The following RAB38 variants were observed in gnomAD, a reference collection of about 807,000 sequenced individuals.
The protein encoded by RAB38 is ras-related protein Rab-38.
A neutral mutation model predicts 18.4 loss-of-function variants in RAB38; 15 were observed. That is an observed-to-expected ratio of 0.82 (90% CI 0.55 to 1.26). The LOEUF (loss-of-function observed/expected upper bound fraction) is 1.26, where lower values mean the gene tolerates loss of function less well. Ranked by LOEUF, RAB38 falls within the 50% of genes most tolerant of loss-of-function variation. The probability of loss-of-function intolerance (pLI) is 0.00; values close to 1 mark genes in which losing one functional copy is unlikely to be tolerated. For missense variants in RAB38, 294 were observed against 267.4 expected (o/e 1.10, Z -0.69); for synonymous variants, 101 against 104.4 (o/e 0.97, Z 0.20).
the RAB38 span, among the ~76,000 whole-genome samples, chr11:88,037,391 A>G: frequency 2.0e-5 from 3 of 152,110 alleles, no homozygotes; most frequent in East Asian, 5.8e-4. Context: ...TTACCCAAAG[A>G]GCCCTAATTG....
the RAB38 span, among the ~76,000 whole-genome samples, chr11:87,843,036 C>G: frequency 6.6e-6 from 1 of 152,196 alleles, no homozygotes; most frequent in African/African-American, 2.4e-5. Flanking sequence ...AATTCAATCC[C>G]TCCCACAGGG....
chr11:88,113,974 A>G lies in RAB38; in HGVS notation c.*14T>C, dbSNP rs1188634154. On this transcript the variant is annotated 3_prime_UTR_variant, in exon 3 of 3. Coordinates refer to ENST00000243662, the MANE Select transcript of RAB38 (RefSeq NM_022337.3). ...AATGAGGTCATTCCTACCAGACACC[A>G]GCAAAGGTGCCTACTAGGATTTGGC... 6.2e-7 allele frequency: 1 copy of G among 1,613,968 alleles called. No homozygotes were observed. Among genetic ancestry groups the G allele is most frequent in the Non-Finnish European group, 8.5e-7 (1 of 1,179,852 alleles).
the RAB38 span, among the ~76,000 whole-genome samples, chr11:88,022,866 T>A: frequency 6.6e-6 from 1 of 152,172 alleles, no homozygotes; most frequent in South Asian, 2.1e-4. Context: ...CATGCATGTG[T>A]CTTTATAATA....
the RAB38 span, among the ~76,000 whole-genome samples, chr11:88,096,910 G>T: frequency 4.0e-5 from 6 of 151,468 alleles, no homozygotes; most frequent in African/African-American, 1.2e-4. Context: ...GGGGCGAGGG[G>T]GGACTCTTTT....
intron 2 of RAB38, among the ~76,000 whole-genome samples, chr11:88,125,012 C>T (rs1448140870): frequency 6.6e-6 from 1 of 152,190 alleles, no homozygotes; most frequent in Non-Finnish European, 1.5e-5. Flanking sequence ...ACATGACGTG[C>T]TCTCTTCTCA....
the RAB38 span, among the ~76,000 whole-genome samples, chr11:87,804,247 A>G: frequency 6.6e-6 from 1 of 152,004 alleles, no homozygotes; most frequent in Non-Finnish European, 1.5e-5. Flanking sequence ...ACCTCTCTCC[A>G]ATGAGTAATC....
the RAB38 span, among the ~76,000 whole-genome samples, chr11:87,832,329 T>G: frequency 2.2e-4 from 33 of 152,322 alleles, no homozygotes; most frequent in Middle Eastern, 0.01. Flanking sequence ...AATCAGTCAC[T>G]TAAAAAAATC....
intron 2 of RAB38, among the ~76,000 whole-genome samples, chr11:88,139,296 G>A (rs1398624457): frequency 6.6e-6 from 1 of 152,152 alleles, no homozygotes; most frequent in Non-Finnish European, 1.5e-5. Context: ...CTAAAAAGGA[G>A]TTCTCAGTGC....
the RAB38 span, among the ~76,000 whole-genome samples, chr11:88,011,319 T>C: frequency 1.3e-5 from 2 of 152,240 alleles, no homozygotes; most frequent in East Asian, 3.9e-4. Context: ...GATAGGGTTC[T>C]TGTTTTTATT....
the RAB38 span, among the ~76,000 whole-genome samples, chr11:87,896,923 C>A: frequency 2.0e-5 from 3 of 151,604 alleles, no homozygotes; most frequent in African/African-American, 7.3e-5. Flanking sequence ...ATTCTAATTT[C>A]TTCAGGCACT....
chr11:88,140,211 C>T lies in RAB38; in HGVS notation c.483+9464G>A, dbSNP rs373565294. ...CCTTCATTTTTCTTCTTTACTTCTC[C>T]ATCCACACTGCAGGGCACAACAATC... On this transcript the variant is annotated intron_variant, in intron 2 of 2. Transcript: ENST00000243662. Among the ~76,000 whole-genome samples the T allele has an allele frequency of 7.4e-4, 113 of 152,252 alleles. 3 individuals carry two copies. The highest frequency in any genetic ancestry group is 2.3e-3 in the African/African-American group (97 of 41,542).
chr11:87,850,805 A>G, the RAB38 span, among the ~76,000 whole-genome samples: 2 of 152,056 alleles, frequency 1.3e-5, no homozygotes, highest in Non-Finnish European at 2.9e-5. Flanking sequence ...TCAAAGTGTT[A>G]GAAGTTCTTT....
the RAB38 span, among the ~76,000 whole-genome samples, chr11:87,818,724 A>G: frequency 6.6e-6 from 1 of 152,202 alleles, no homozygotes; most frequent in Admixed American, 6.5e-5. Context: ...TGATCAGTCA[A>G]ATGGGGCTAA....
intron 2 of RAB38, among the ~76,000 whole-genome samples, chr11:88,149,208 C>A (rs1448001218): frequency 6.6e-6 from 1 of 152,124 alleles, no homozygotes; most frequent in Non-Finnish European, 1.5e-5. Flanking sequence ...TCCGGTATGC[C>A]CAATGTAGTG....
the RAB38 span, among the ~76,000 whole-genome samples, chr11:88,047,051 C>A: frequency 5.3e-5 from 8 of 152,196 alleles, no homozygotes; most frequent in Non-Finnish European, 1.0e-4. Flanking sequence ...GCAGCCGCTG[C>A]CGCCCTAATA....
At chr11:88,086,099 T>C in the RAB38 span, among the ~76,000 whole-genome samples, 1 of 151,882 alleles carries the variant, frequency 6.6e-6, no homozygotes, top group East Asian at 1.9e-4. Context: ...AATAATAATA[T>C]CTTGTAAGGC....
chr11:87,958,858 GGCT>G, the RAB38 span, among the ~76,000 whole-genome samples: 1 of 152,060 alleles, frequency 6.6e-6, no homozygotes, highest in Non-Finnish European at 1.5e-5. Flanking sequence ...TTTCTAAGAA[GGCT>G]GCTTATTTGC....
chr11:87,854,462 T>C, the RAB38 span, among the ~76,000 whole-genome samples: 1 of 152,154 alleles, frequency 6.6e-6, no homozygotes. Flanking sequence ...TGGTAGTGAA[T>C]AGGAAAATGA....
chr11:88,170,712 T>A (rs927434495), intron 1 of RAB38, among the ~76,000 whole-genome samples: 2 of 152,218 alleles, frequency 1.3e-5, no homozygotes, highest in African/African-American at 4.8e-5. Flanking sequence ...AGTGGAAATA[T>A]TTTTCTTATA....
Sources: gnomAD v4.1 joint callset for allele counts (sites outside exome capture counted in the v4.1 genomes callset) on GRCh38, gnomAD v4.1.1 for gene constraint, MANE v1.5 for transcripts, NCBI Gene and HGNC (gene_info 2026-07-23, HGNC 2026-07-21) for gene names.